Variants in CHSY3 observed in about 807,000 individuals in gnomAD.
The protein encoded by CHSY3 is chondroitin sulfate synthase 3.
Under a neutral mutation model 67.2 loss-of-function variants are expected in CHSY3, and 35 were observed. The ratio of observed to expected loss-of-function variants is 0.52; its 90% CI spans 0.40 to 0.69. The LOEUF (loss-of-function observed/expected upper bound fraction) is 0.69, where lower values mean the gene tolerates loss of function less well. Among genes scored for constraint, CHSY3 ranks in the 30% least tolerant of loss-of-function variants. CHSY3 has a pLI of 0.00. For missense variants in CHSY3, 1,069 were observed against 1,138.5 expected (o/e 0.94, Z 0.88); for synonymous variants, 474 against 434.7 (o/e 1.09, Z -1.12).
intron 2 of CHSY3, among the ~76,000 whole-genome samples, chr5:130,018,358 A>AAAT (rs1764271161): frequency 6.6e-6 from 1 of 152,204 alleles, no homozygotes. Context: ...TGTTATAACA[A>AAAT]GTATCCAGAA....
chr5:129,912,305 C>A (rs182440691), intron 2 of CHSY3, among the ~76,000 whole-genome samples: 5 of 152,122 alleles, frequency 3.3e-5, no homozygotes, highest in African/African-American at 9.7e-5. Flanking sequence ...ATTGCCAGAA[C>A]AATGGCCCCC....
chr5:130,118,469 TAC>T (rs1561544589), intron 2 of CHSY3, among the ~76,000 whole-genome samples: 1 of 150,866 alleles, frequency 6.6e-6, no homozygotes. Context: ...CATATACACA[TAC>T]ATATATATAA....
At chr5:130,062,280 A>G (rs1765739427) in intron 2 of CHSY3, among the ~76,000 whole-genome samples, 1 of 152,124 alleles carries the variant, frequency 6.6e-6, no homozygotes, top group Non-Finnish European at 1.5e-5. Context: ...ATTATCCTCA[A>G]TGAACTAACC....
chr5:130,070,865 G>T (rs186399948), intron 2 of CHSY3, among the ~76,000 whole-genome samples: 160 of 152,124 alleles, frequency 1.1e-3, no homozygotes, highest in African/African-American at 3.7e-3. Context: ...TATTTTGACT[G>T]CTTTAAGACT....
intron 2 of CHSY3, among the ~76,000 whole-genome samples, chr5:130,126,433 C>T (rs1350492992): frequency 2.0e-5 from 3 of 152,056 alleles, no homozygotes; most frequent in Admixed American, 6.6e-5. Context: ...TAATTATACT[C>T]ATGGTATTAG....
chr5:130,035,227 CCAGGATAATTA>C (rs1435545890), intron 2 of CHSY3, among the ~76,000 whole-genome samples: 2 of 151,724 alleles, frequency 1.3e-5, no homozygotes, highest in African/African-American at 4.8e-5. Flanking sequence ...GTAACTTGGG[CCAGGATAATTA>C]CAGGAGAGGT....
At chr5:130,120,896 G>C (rs1247170566) in intron 2 of CHSY3, among the ~76,000 whole-genome samples, 1 of 152,180 alleles carries the variant, frequency 6.6e-6, no homozygotes, top group African/African-American at 2.4e-5. Flanking sequence ...ATATCCCTGA[G>C]TCTAGGTATG....
At chr5:130,043,213 C>T (rs1347288143) in intron 2 of CHSY3, among the ~76,000 whole-genome samples, 1 of 151,562 alleles carries the variant, frequency 6.6e-6, no homozygotes, top group Non-Finnish European at 1.5e-5. Flanking sequence ...TTTTACTGTG[C>T]TAAATTGAAA....
intron 2 of CHSY3, among the ~76,000 whole-genome samples, chr5:129,978,978 CAGG>C (rs1330377154): frequency 1.3e-5 from 2 of 151,520 alleles, no homozygotes; most frequent in Non-Finnish European, 2.9e-5. Context: ...GCGGGCAGAT[CAGG>C]AGGTCAGGAG....
At chr5:129,913,108 T>C (rs2149577693) in intron 2 of CHSY3, among the ~76,000 whole-genome samples, 1 of 152,344 alleles carries the variant, frequency 6.6e-6, no homozygotes, top group Middle Eastern at 3.4e-3. Flanking sequence ...CATATGGCTC[T>C]TAAACACTGT....
chr5:130,006,698 A>G (rs1320303760), intron 2 of CHSY3, among the ~76,000 whole-genome samples: 3 of 152,244 alleles, frequency 2.0e-5, no homozygotes, highest in Non-Finnish European at 4.4e-5. Flanking sequence ...AAGGTATCAA[A>G]GTAGTCACAA....
chr5:129,965,670 A>G (rs746960389), intron 2 of CHSY3, among the ~76,000 whole-genome samples: 1 of 151,934 alleles, frequency 6.6e-6, no homozygotes, highest in Non-Finnish European at 1.5e-5. Flanking sequence ...TGGGGAGGTT[A>G]CTAATTTCTA....
chr5:130,111,334 C>A (rs1355460063), intron 2 of CHSY3, among the ~76,000 whole-genome samples: 3 of 152,060 alleles, frequency 2.0e-5, no homozygotes, highest in African/African-American at 7.2e-5. Flanking sequence ...ATTCTTTTCA[C>A]ATTGATGGTG....
chr5:130,177,892 T>A (rs546222988), intron 2 of CHSY3, among the ~76,000 whole-genome samples: 1 of 152,156 alleles, frequency 6.6e-6, no homozygotes, highest in African/African-American at 2.4e-5. Flanking sequence ...ATTTGGATAT[T>A]GGATCTCCTG....
chr5:130,006,566 A>G (rs1763882456), intron 2 of CHSY3, among the ~76,000 whole-genome samples: 1 of 152,186 alleles, frequency 6.6e-6, no homozygotes, highest in Non-Finnish European at 1.5e-5. Flanking sequence ...TATTAATAAA[A>G]TTTTGTATTT....
chr5:130,176,548 G>A (rs940524103), intron 2 of CHSY3, among the ~76,000 whole-genome samples: 2 of 152,178 alleles, frequency 1.3e-5, no homozygotes, highest in African/African-American at 4.8e-5. Flanking sequence ...GCACACGTAT[G>A]TTTATTGCAG....
chr5:129,917,508 C>T (rs1760768003), intron 2 of CHSY3, among the ~76,000 whole-genome samples: 2 of 152,194 alleles, frequency 1.3e-5, no homozygotes, highest in Non-Finnish European at 2.9e-5. Context: ...AGAAGAAAGG[C>T]ATGAAATAGT....
Position 130,178,228 on chromosome 5 carries a change from TA to T in CHSY3, c.1087-6000del, listed in dbSNP as rs1363545497. Among the ~76,000 whole-genome samples the T allele has an allele frequency of 2.2e-4, 9 of 41,548 alleles. No homozygotes were observed. The South Asian group carries it at 2.7e-3, about 12-fold the overall frequency. 27.3% of individuals were successfully genotyped at this position (41,548 alleles called of 152,430 possible). A position where few individuals can be genotyped will look rare whatever the true frequency, so the allele number is the denominator to read the frequency against. ...ATATATATATGTATATATTTATATTTATATATATATATATATATATATATAT... is the reference window on the plus strand; with the variant it reads ...ATATATATATGTATATATTTATATTTTATATATATATATATATATATATAT... On this transcript the variant is annotated intron_variant, in intron 2 of 2. Transcript: ENST00000305031.
intron 2 of CHSY3, among the ~76,000 whole-genome samples, chr5:130,121,369 T>C (rs1768017930): frequency 6.6e-6 from 1 of 152,218 alleles, no homozygotes; most frequent in African/African-American, 2.4e-5. Context: ...TCCATTTTTC[T>C]AATGTATTTA....
Sources: allele counts gnomAD v4.1 joint callset (sites outside exome capture counted in the v4.1 genomes callset), GRCh38; gene constraint gnomAD v4.1.1; transcripts MANE v1.5; gene names NCBI Gene and HGNC (gene_info 2026-07-23, HGNC 2026-07-21).